The following DAB1 variants were observed in gnomAD, a reference collection of about 807,000 sequenced individuals.
DAB1 encodes disabled homolog 1.
A neutral mutation model predicts 64.6 loss-of-function variants in DAB1; 15 were observed. That is an observed-to-expected ratio of 0.23 (90% CI 0.16 to 0.36). The LOEUF is 0.36. Ranked by LOEUF, DAB1 falls within the 10% of genes least tolerant of loss-of-function variation. The probability of loss-of-function intolerance (pLI) is 1.00; values close to 1 mark genes in which losing one functional copy is unlikely to be tolerated. For missense variants in DAB1, 596 were observed against 706.7 expected, an observed-to-expected ratio of 0.84 and a Z score of 1.78; for synonymous variants, 235 against 251.9, an observed-to-expected ratio of 0.93 and a Z score of 0.64.
At chr1:57,197,291 G>A (rs538053313) in intron 2 of DAB1, among the ~76,000 whole-genome samples, 6 of 148,048 alleles carry the variant, frequency 4.1e-5, no homozygotes, top group Non-Finnish European at 8.9e-5. Flanking sequence ...TTGCTATAAG[G>A]CAAAATAGTG....
chr1:57,907,118 C>A (rs1217206827), intron 5 of DAB1, among the ~76,000 whole-genome samples: 3 of 152,192 alleles, frequency 2.0e-5, no homozygotes, highest in Admixed American at 2.0e-4. Context: ...AAAAACACAA[C>A]TGCTCCATAT....
At chr1:58,433,594 AGAGTGT>A (rs1437519662) in intron 3 of DAB1, among the ~76,000 whole-genome samples, 2,871 of 91,056 alleles carry the variant, frequency 0.032, 27 homozygotes, top group African/African-American at 0.088. Flanking sequence ...AGAGAGAGAG[AGAGTGT>A]GTGTGTGTGT....
At chr1:58,018,293 C>T (rs1285475309) in intron 5 of DAB1, among the ~76,000 whole-genome samples, 1 of 152,106 alleles carries the variant, frequency 6.6e-6, no homozygotes, top group Non-Finnish European at 1.5e-5. Context: ...CCTTCAGTAG[C>T]TGGGACTACT....
rs938112586 is a variant in DAB1, at chr1:56,997,658, T to C, written c.*486A>G. 4 of 152,160 alleles carry C rather than the reference T, an allele frequency of 2.6e-5. No individual in the cohort carries two copies. Among genetic ancestry groups the C allele is most frequent in the Non-Finnish European group, 4.4e-5 (3 of 68,034 alleles). 9.4% of individuals were successfully genotyped at this position (152,160 alleles called of 1,614,324 possible). A position where few individuals can be genotyped will look rare whatever the true frequency, so the allele number is the denominator to read the frequency against. The stretch of plus-strand genomic sequence containing the variant: ...GTGAAAAGGCATATGGATGACGATA[T>C]TGTGGTCACAGAAGACCCTTTGCTT... On this transcript the variant is annotated 3_prime_UTR_variant, in exon 15 of 15. Transcript: ENST00000371236.
At chr1:57,157,699 C>A (rs974787092) in intron 2 of DAB1, among the ~76,000 whole-genome samples, 8 of 152,132 alleles carry the variant, frequency 5.3e-5, no homozygotes, top group Non-Finnish European at 4.4e-5. Flanking sequence ...CCCAAAGACC[C>A]CACCTGCAAA....
chr1:58,222,374 A>C (rs1341469545), intron 4 of DAB1, among the ~76,000 whole-genome samples: 1 of 152,182 alleles, frequency 6.6e-6, no homozygotes, highest in African/African-American at 2.4e-5. Context: ...CTACAGATGG[A>C]TGTTCATTGC....
At chr1:57,799,979 A>T (rs79849890) in intron 6 of DAB1, among the ~76,000 whole-genome samples, 268 of 152,286 alleles carry the variant, frequency 1.8e-3, no homozygotes, top group African/African-American at 6.1e-3. Flanking sequence ...CCTGGACTGG[A>T]GTCATTGAAT....
intron 7 of DAB1, among the ~76,000 whole-genome samples, chr1:57,450,258 G>T (rs1686301094): frequency 6.6e-6 from 1 of 152,176 alleles, no homozygotes; most frequent in Admixed American, 6.5e-5. Context: ...TTTACGAATA[G>T]AATTCTTGAT....
At chr1:57,635,620 T>G (rs1336496384) in intron 7 of DAB1, among the ~76,000 whole-genome samples, 2 of 152,178 alleles carry the variant, frequency 1.3e-5, no homozygotes, top group Non-Finnish European at 1.5e-5. Context: ...TATGGTGAGT[T>G]GTATAATTAT....
intron 7 of DAB1, among the ~76,000 whole-genome samples, chr1:57,446,889 T>C (rs1240306573): frequency 6.6e-6 from 1 of 152,350 alleles, no homozygotes; most frequent in South Asian, 2.1e-4. Flanking sequence ...TTATCCATTA[T>C]ATCCTTAAGT....
chr1:57,577,743 G>A (rs923602796), intron 7 of DAB1, among the ~76,000 whole-genome samples: 1 of 152,148 alleles, frequency 6.6e-6, no homozygotes, highest in African/African-American at 2.4e-5. Flanking sequence ...CCAAATTTCT[G>A]AGGGCAGACT....
chr1:58,044,408 T>C lies in DAB1; in HGVS notation n.387+106103A>G, dbSNP rs188514005. ...TTCCTCCTACTGCTGCTCTTTGACT[T>C]GTCTGAATATCATTTTTTCGCTTCT... On this transcript the variant is annotated intron_variant and non_coding_transcript_variant, in intron 5 of 20. Transcript: ENST00000485760. Among the ~76,000 whole-genome samples the C allele has an allele frequency of 8.5e-4, 129 of 152,038 alleles. 1 individual carries two copies. The highest frequency in any genetic ancestry group is 5.8e-3 in the Admixed American group (89 of 15,238).
intron 6 of DAB1, among the ~76,000 whole-genome samples, chr1:57,667,041 C>T (rs1570720105): frequency 6.6e-6 from 1 of 152,262 alleles, no homozygotes; most frequent in East Asian, 1.9e-4. Flanking sequence ...GCTCTTCCTA[C>T]TACTTGCTCC....
chr1:58,449,328 A>G (rs552156470), intron 3 of DAB1, among the ~76,000 whole-genome samples: 13 of 152,304 alleles, frequency 8.5e-5, no homozygotes, highest in African/African-American at 3.1e-4. Flanking sequence ...TTTCAGACGC[A>G]GCTGCAAAGT....
Position 57,057,794 on chromosome 1 carries a change from G to C in DAB1, c.723+5090C>G, listed in dbSNP as rs1359115821. Among the ~76,000 whole-genome samples, 11 of 150,882 alleles carry C rather than the reference G, an allele frequency of 7.3e-5. No homozygotes were observed. In the South Asian group the frequency reaches 8.4e-4, roughly 11 times the overall value. ...GGCTAATTTTTTTGTATTTTTAGTA[G>C]AGACGGGGTTTCACTGTATTAGCCA... On this transcript the variant is annotated intron_variant, in intron 9 of 14. Coordinates refer to ENST00000371236, the MANE Select transcript of DAB1 (RefSeq NM_001365792.1).
intron 3 of DAB1, among the ~76,000 whole-genome samples, chr1:58,481,393 A>G (rs895333878): frequency 6.6e-6 from 1 of 152,196 alleles, no homozygotes; most frequent in Non-Finnish European, 1.5e-5. Flanking sequence ...TTTAAAAACA[A>G]CAACAATAGT....
At chr1:57,726,749 T>C (rs1411149345) in intron 6 of DAB1, among the ~76,000 whole-genome samples, 1 of 152,214 alleles carries the variant, frequency 6.6e-6, no homozygotes, top group Non-Finnish European at 1.5e-5. Context: ...TTAAGTAACT[T>C]GCTGAGAATC....
chr1:57,219,512 T>C (rs1403682666), intron 2 of DAB1, among the ~76,000 whole-genome samples: 1 of 152,184 alleles, frequency 6.6e-6, no homozygotes, highest in Non-Finnish European at 1.5e-5. Context: ...GCCACACCCT[T>C]GAGGGCTAGG....
intron 4 of DAB1, among the ~76,000 whole-genome samples, chr1:57,091,752 A>G (rs901937252): frequency 6.6e-6 from 1 of 152,242 alleles, no homozygotes; most frequent in Non-Finnish European, 1.5e-5. Context: ...TAACCACAGT[A>G]CCAACATTAT....
Sources: gnomAD v4.1 joint callset for allele counts (sites outside exome capture counted in the v4.1 genomes callset) on GRCh38, gnomAD v4.1.1 for gene constraint, MANE v1.5 for transcripts, NCBI Gene and HGNC (gene_info 2026-07-23, HGNC 2026-07-21) for gene names.